Variants in NOTCH2 observed in about 807,000 individuals in gnomAD.
NOTCH2 encodes neurogenic locus notch homolog protein 2.
A neutral mutation model predicts 235.8 loss-of-function variants in NOTCH2; 29 were observed. The ratio of observed to expected loss-of-function variants is 0.12; its 90% CI spans 0.09 to 0.17. NOTCH2 has a LOEUF of 0.17. Among genes scored for constraint, NOTCH2 ranks in the 10% least tolerant of loss-of-function variants. The pLI is 1.00. For synonymous variants in NOTCH2, 1,086 were observed against 1,141.5 expected, an observed-to-expected ratio of 0.95 and a Z score of 0.98; for missense variants, 2,285 against 3,150.2, an observed-to-expected ratio of 0.73 and a Z score of 6.57.
At chr1:119,960,742 C>T (rs1375881161) in intron 11 of NOTCH2, among the ~76,000 whole-genome samples, 14 of 151,936 alleles carry the variant, frequency 9.2e-5, no homozygotes, top group Non-Finnish European at 1.9e-4. Context: ...GACACGAGCA[C>T]AGCTCCCTGC....
chr1:119,974,144 G>A (rs140298002), intron 5 of NOTCH2, among the ~76,000 whole-genome samples: 1 of 152,296 alleles, frequency 6.6e-6, no homozygotes, highest in African/African-American at 2.4e-5. Flanking sequence ...GAGCTGTATT[G>A]TTTCCATGTC....
At chr1:119,940,834 C>CT in intron 18 of NOTCH2, 78 bp from the exon 19 acceptor site, 1 of 1,315,954 alleles carries the variant, frequency 7.6e-7, no homozygotes, top group Non-Finnish European at 1.1e-6. Flanking sequence ...TTTCTGGAAT[C>CT]TAAGATCATA....
Position 119,999,976 on chromosome 1 carries a change from A to AAAGGAAGGAAGGAAGGAAGG in NOTCH2, c.416-2664_416-2645dup, listed in dbSNP as rs58775950. ...GAAAGAAAGAAAGAAAGAAAGAAAG[A>AAAGGAAGGAAGGAAGGAAGG]AAGGAAGGAAGGAAGGAAGGAAGGA... On this transcript the variant is annotated intron_variant, in intron 3 of 33. Transcript: ENST00000256646. 1.4e-4 allele frequency among the ~76,000 whole-genome samples: 8 copies of AAAGGAAGGAAGGAAGGAAGG among 56,610 alleles called. 1 individual carries two copies. Among genetic ancestry groups the AAAGGAAGGAAGGAAGGAAGG allele is most frequent in the South Asian group, 7.2e-4 (1 of 1,380 alleles). 37.1% of individuals were successfully genotyped at this position (56,610 alleles called of 152,430 possible). A position where few individuals can be genotyped will look rare whatever the true frequency, so the allele number is the denominator to read the frequency against.
At chr1:120,042,189 T>C (rs1251090543) in intron 1 of NOTCH2, among the ~76,000 whole-genome samples, 1 of 102,506 alleles carries the variant, frequency 9.8e-6, no homozygotes, top group Admixed American at 9.5e-5. Context: ...GCTTGAAAAA[T>C]GTCAGCCAAG....
chr1:120,035,298 A>C (rs1214518266), intron 1 of NOTCH2, among the ~76,000 whole-genome samples: 2 of 151,296 alleles, frequency 1.3e-5, no homozygotes, highest in Non-Finnish European at 2.9e-5. Flanking sequence ...CTCTCTTAAG[A>C]ACCAGTTGGG....
chr1:119,975,537 T>G (rs182105665), intron 5 of NOTCH2, among the ~76,000 whole-genome samples: 2 of 151,922 alleles, frequency 1.3e-5, no homozygotes, highest in African/African-American at 2.4e-5. Flanking sequence ...TCCCAGCTAC[T>G]TGGGAGGCTG....
chr1:119,938,477 A>C (rs782797550), intron 19 of NOTCH2, among the ~76,000 whole-genome samples: 1 of 152,230 alleles, frequency 6.6e-6, no homozygotes, highest in Admixed American at 6.5e-5. Context: ...GAGTAATAGC[A>C]GTCCTAGTGG....
intron 29 of NOTCH2, 133 bp downstream of exon 29, chr1:119,921,580 A>G (rs1047104673): frequency 2.6e-6 from 2 of 783,212 alleles, no homozygotes; most frequent in Non-Finnish European, 4.5e-6. Context: ...AACCTAGGAT[A>G]GTTATTGTCT....
In NOTCH2 at chr1:119,914,793, C is replaced by T. The variant is rs1020176163; in HGVS notation, c.*513G>A. The T allele has an allele frequency of 7.0e-6, 2 of 283,796 alleles. No individual in the cohort carries two copies. The highest frequency in any genetic ancestry group is 1.3e-5 in the Non-Finnish European group (2 of 148,516). 17.6% of individuals were successfully genotyped at this position (283,796 alleles called of 1,614,324 possible). A position where few individuals can be genotyped will look rare whatever the true frequency, so the allele number is the denominator to read the frequency against. ...AAAGCACAAAGGTCTTGCCCTATAA[C>T]ATGCTGGTAGGGCTACAATCACGGA... On this transcript the variant is annotated 3_prime_UTR_variant, in exon 34 of 34. Coordinates refer to ENST00000256646, the MANE Select transcript of NOTCH2 (RefSeq NM_024408.4).
rs145366664 is a variant in NOTCH2 at position 119,915,364 on chromosome 1, C to T, written c.7358G>A (p.Arg2453Gln). 11 of 1,614,152 alleles carry T rather than the reference C, an allele frequency of 6.8e-6. No homozygotes were observed. The highest frequency in any genetic ancestry group is 1.1e-5 in the South Asian group (1 of 91,066). ...CTCAGACATGTGTGTCCCAGGTCCC[C>T]GCTGACCTCCTCCAGCACCCCCAGG... ...PTPGGAGGGQ[R>Q]GPGTHMSEPP... is the part of the protein sequence containing the mutation. The change falls in exon 34 of 34, where the codon CGG (arginine) becomes CAG (glutamine). Residue 2453 changes from arginine (R) to glutamine (Q), a missense_variant. Arg to Gln is a conservative substitution (Grantham distance 43). Coordinates refer to ENST00000256646, the MANE Select transcript of NOTCH2 (RefSeq NM_024408.4).
intron 19 of NOTCH2, among the ~76,000 whole-genome samples, chr1:119,939,695 G>A (rs1649997397): frequency 6.6e-6 from 1 of 152,146 alleles, no homozygotes; most frequent in Non-Finnish European, 1.5e-5. Flanking sequence ...ACAGTTTGCT[G>A]GAGGAAGGGA....
chr1:119,985,335 A>G (rs1387849746), intron 5 of NOTCH2, among the ~76,000 whole-genome samples: 1 of 152,198 alleles, frequency 6.6e-6, no homozygotes, highest in East Asian at 1.9e-4. Flanking sequence ...CATGATCTCC[A>G]CCACCCTTTT....
chr1:119,965,743 C>T (rs1273237921), intron 9 of NOTCH2, among the ~76,000 whole-genome samples, 177 bp from the exon 10 acceptor site: 1 of 152,228 alleles, frequency 6.6e-6, no homozygotes, highest in South Asian at 2.1e-4. Flanking sequence ...ATCAGAGGCA[C>T]TTGTGGTGTG....
chr1:119,964,584 T>G (rs782813815), intron 10 of NOTCH2, among the ~76,000 whole-genome samples: 1 of 152,214 alleles, frequency 6.6e-6, no homozygotes, highest in Non-Finnish European at 1.5e-5. Context: ...ACTAAGTAGG[T>G]CTAATAATTA....
intron 32 of NOTCH2, 115 bp downstream of exon 32, chr1:119,918,291 G>C: frequency 8.7e-7 from 1 of 1,150,394 alleles, no homozygotes; most frequent in South Asian, 1.2e-5. Context: ...AAGAATGAGT[G>C]AATCTCTCAC....
At chr1:119,922,580 C>T (rs775086329) in intron 27 of NOTCH2, 56 bp downstream of exon 27, 1 of 1,611,416 alleles carries the variant, frequency 6.2e-7, no homozygotes, top group Non-Finnish European at 8.5e-7. Flanking sequence ...GAAAATTGTT[C>T]CCCCAATTGA....
intron 12 of NOTCH2, among the ~76,000 whole-genome samples, chr1:119,957,573 C>T (rs1650752700): frequency 6.6e-6 from 1 of 152,026 alleles, no homozygotes; most frequent in Non-Finnish European, 1.5e-5. Context: ...CCACAGTCAT[C>T]TCTAATGTTT....
chr1:120,069,244 T>C, intron 1 of NOTCH2, 90 bp downstream of exon 1: 1 of 1,527,494 alleles, frequency 6.5e-7, no homozygotes, highest in Non-Finnish European at 8.7e-7. Flanking sequence ...AGCCTGGCCT[T>C]CCCACACAGA....
chr1:120,067,039 A>G (rs1655535905), intron 1 of NOTCH2, among the ~76,000 whole-genome samples: 1 of 150,764 alleles, frequency 6.6e-6, no homozygotes, highest in African/African-American at 2.4e-5. Context: ...TTAGACAATC[A>G]GACATACTGC....
Sources: gnomAD v4.1 joint callset for allele counts (sites outside exome capture counted in the v4.1 genomes callset) on GRCh38, gnomAD v4.1.1 for gene constraint, MANE v1.5 for transcripts, NCBI Gene and HGNC (gene_info 2026-07-23, HGNC 2026-07-21) for gene names.